ERBB4: variants seen among roughly 807,000 people sequenced by gnomAD.
The protein encoded by ERBB4 is erb-b2 receptor tyrosine kinase 4, also known as receptor tyrosine-protein kinase erbB-4.
ERBB4 carries 42 observed loss-of-function variants against 158.0 expected under a neutral mutation model. That is an observed-to-expected ratio of 0.27 (90% CI 0.21 to 0.34). ERBB4 has a LOEUF of 0.34. Ranked by LOEUF, ERBB4 falls within the 10% of genes least tolerant of loss-of-function variation. The probability of loss-of-function intolerance (pLI) is 1.00; values close to 1 mark genes in which losing one functional copy is unlikely to be tolerated. For synonymous variants in ERBB4, 583 were observed against 558.7 expected, an observed-to-expected ratio of 1.04 and a Z score of -0.61; for missense variants, 1,333 against 1,624.1, an observed-to-expected ratio of 0.82 and a Z score of 3.08.
chr2:212,306,292 T>G (rs1357834896), intron 1 of ERBB4, among the ~76,000 whole-genome samples: 4 of 151,410 alleles, frequency 2.6e-5, no homozygotes, highest in African/African-American at 9.7e-5. Context: ...CCATTTTAGA[T>G]GCAGTATTTC....
chr2:211,965,383 TATTC>T (rs147643515), intron 2 of ERBB4, among the ~76,000 whole-genome samples: 2 of 152,262 alleles, frequency 1.3e-5, no homozygotes, highest in African/African-American at 4.8e-5. Context: ...ATATAATCTA[TATTC>T]ATTTTTTAAA....
intron 16 of ERBB4, among the ~76,000 whole-genome samples, chr2:211,655,820 T>C (rs2071192162): frequency 6.6e-6 from 1 of 152,226 alleles, no homozygotes; most frequent in South Asian, 2.1e-4. Flanking sequence ...TCGAAATAAC[T>C]AGACTAACTA....
intron 15 of ERBB4, among the ~76,000 whole-genome samples, chr2:211,658,269 T>A (rs2071292813): frequency 6.6e-6 from 1 of 152,198 alleles, no homozygotes; most frequent in African/African-American, 2.4e-5. Flanking sequence ...TCTAATACTT[T>A]GAACTGATAT....
intron 1 of ERBB4, among the ~76,000 whole-genome samples, chr2:212,136,240 A>G (rs1472289897): frequency 6.6e-6 from 1 of 152,228 alleles, no homozygotes; most frequent in Non-Finnish European, 1.5e-5. Flanking sequence ...ATTGATAAAG[A>G]TGTGCACATT....
intron 1 of ERBB4, among the ~76,000 whole-genome samples, chr2:212,297,330 G>A (rs956030340): frequency 2.0e-5 from 3 of 151,016 alleles, no homozygotes; most frequent in South Asian, 4.2e-4. Context: ...AGAACGATTT[G>A]TTGTTGGATT....
intron 1 of ERBB4, among the ~76,000 whole-genome samples, chr2:212,439,288 T>A (rs2092203192): frequency 6.6e-6 from 1 of 152,206 alleles, no homozygotes; most frequent in African/African-American, 2.4e-5. Flanking sequence ...CTCATCAGCA[T>A]ACAAAATTAA....
intron 3 of ERBB4, among the ~76,000 whole-genome samples, chr2:211,911,264 T>C (rs2079534500): frequency 6.6e-6 from 1 of 152,172 alleles, no homozygotes; most frequent in East Asian, 1.9e-4. Flanking sequence ...TCTGCTACTT[T>C]TCATAACTTT....
rs34492305 is a variant in ERBB4, at chr2:211,675,792, T to TTATATATATATA, written c.1623-2547_1623-2536dup. Among the ~76,000 whole-genome samples, 903 of 93,502 alleles carry TTATATATATATA rather than the reference T, an allele frequency of 9.7e-3. 22 individuals carry two copies. Among genetic ancestry groups the TTATATATATATA allele is most frequent in the African/African-American group, 1.0e-2 (319 of 31,912 alleles). The allele number at this position is 93,502 out of a possible 152,430, so 61.3% of individuals were successfully genotyped here. The stretch of plus-strand genomic sequence containing the variant: ...TATAATATATATATAAAATATAATA[T>TTATATATATATA]TATATATATATATATATAACAAATA... On this transcript the variant is annotated intron_variant, in intron 13 of 27. Coordinates refer to ENST00000342788, the MANE Select transcript of ERBB4 (RefSeq NM_005235.3).
Position 211,382,365 on chromosome 2 carries a change from G to A in ERBB4, c.*1250C>T, listed in dbSNP as rs937157231. On this transcript the variant is annotated 3_prime_UTR_variant, in exon 28 of 28. Coordinates refer to ENST00000342788, the MANE Select transcript of ERBB4 (RefSeq NM_005235.3). Reference sequence around the variant, plus strand: ...CCTCTCATCATAGTCCCTGGATACCGTTGCAAGGTTCCTAATTTGCTTGGT... The same window carrying A: ...CCTCTCATCATAGTCCCTGGATACCATTGCAAGGTTCCTAATTTGCTTGGT... 1.3e-4 allele frequency: 30 copies of A among 232,266 alleles called. No individual in the cohort carries two copies. In the East Asian group the frequency reaches 1.5e-3, roughly 12 times the overall value. 14.4% of individuals were successfully genotyped at this position (232,266 alleles called of 1,614,324 possible).
intron 3 of ERBB4, among the ~76,000 whole-genome samples, chr2:211,794,288 A>C (rs2076336709): frequency 6.6e-6 from 1 of 151,890 alleles, no homozygotes; most frequent in Admixed American, 6.6e-5. Flanking sequence ...TAGTTCTTAG[A>C]GTTCCCCCTT....
intron 20 of ERBB4, among the ~76,000 whole-genome samples, chr2:211,517,710 A>C (rs1339218447): frequency 2.0e-5 from 3 of 152,150 alleles, no homozygotes; most frequent in Non-Finnish European, 2.9e-5. Flanking sequence ...GTGCTTACAT[A>C]AATTACATAA....
chr2:212,342,349 G>A (rs1029458340), intron 1 of ERBB4, among the ~76,000 whole-genome samples: 2 of 152,092 alleles, frequency 1.3e-5, no homozygotes, highest in African/African-American at 4.8e-5. Context: ...TTCCCGTGCT[G>A]TTCTCATGAA....
rs115207121 is a variant in ERBB4 at position 211,451,003 on chromosome 2, G to T, written c.2488-19903C>A. On this transcript the variant is annotated intron_variant, in intron 20 of 27. Transcript: ENST00000342788. ...AAGGAATAAGTGCATGAACATGAAG[G>T]CTGTCAGAATATGTACGATAGTTAA... Among the ~76,000 whole-genome samples the T allele has an allele frequency of 9.4e-4, 143 of 152,326 alleles. 1 individual carries two copies. The highest frequency in any genetic ancestry group is 3.3e-3 in the African/African-American group (138 of 41,560).
chr2:212,224,103 C>A (rs1230697132), intron 1 of ERBB4, among the ~76,000 whole-genome samples: 1 of 151,768 alleles, frequency 6.6e-6, no homozygotes, highest in Non-Finnish European at 1.5e-5. Flanking sequence ...TATAATCAAT[C>A]ATGTTTATTC....
At chr2:211,904,508 A>G (rs887139003) in intron 3 of ERBB4, among the ~76,000 whole-genome samples, 5 of 152,120 alleles carry the variant, frequency 3.3e-5, no homozygotes, top group African/African-American at 9.6e-5. Context: ...ATAAAATACC[A>G]TACAGTAGAA....
intron 3 of ERBB4, among the ~76,000 whole-genome samples, chr2:211,947,108 T>G (rs1354155226): frequency 6.6e-6 from 1 of 152,128 alleles, no homozygotes; most frequent in African/African-American, 2.4e-5. Flanking sequence ...TTGCAAGGAT[T>G]TGATGATATG....
At chr2:211,642,923 C>A (rs1818752) in intron 16 of ERBB4, among the ~76,000 whole-genome samples, 11,154 of 152,118 alleles carry the variant, frequency 0.073, 432 homozygotes, top group East Asian at 0.11. Flanking sequence ...GAAGCTGATA[C>A]GTGTTTAACA....
intron 20 of ERBB4, among the ~76,000 whole-genome samples, chr2:211,439,458 C>A (rs1179976340): frequency 6.6e-6 from 1 of 152,142 alleles, no homozygotes; most frequent in Non-Finnish European, 1.5e-5. Context: ...ATAGAGCACC[C>A]ATTTTCAAGA....
chr2:211,426,253 A>G (rs1431713911), intron 22 of ERBB4, among the ~76,000 whole-genome samples: 3 of 152,326 alleles, frequency 2.0e-5, no homozygotes, highest in Admixed American at 2.0e-4. Context: ...GAACAATGTC[A>G]GGAAAGCTAA....
Sources: gnomAD v4.1 joint callset for allele counts (sites outside exome capture counted in the v4.1 genomes callset) on GRCh38, gnomAD v4.1.1 for gene constraint, MANE v1.5 for transcripts, NCBI Gene and HGNC (gene_info 2026-07-23, HGNC 2026-07-21) for gene names.